The following RANBP2 variants were observed in gnomAD, a reference collection of about 807,000 sequenced individuals.
The protein encoded by RANBP2 is E3 SUMO-protein ligase RanBP2.
In RANBP2, 57 loss-of-function variants were observed where a neutral mutation model predicts 303.6. That is an observed-to-expected ratio of 0.19 (90% confidence interval 0.15 to 0.23). The LOEUF is 0.23. RANBP2 is among the 10% of genes least tolerant of loss of function. RANBP2 has a pLI of 1.00. For missense variants in RANBP2, 3,138 were observed against 3,780.8 expected, an observed-to-expected ratio of 0.83 and a Z score of 4.46; for synonymous variants, 1,167 against 1,301.5, an observed-to-expected ratio of 0.90 and a Z score of 2.23.
the RANBP2 span, among the ~76,000 whole-genome samples, chr2:109,070,962 T>C: frequency 1.3e-5 from 2 of 152,182 alleles, no homozygotes; most frequent in Non-Finnish European, 2.9e-5. Flanking sequence ...CCACCATTAT[T>C]GTGAGCTTCC....
At chr2:108,822,188 C>T in the RANBP2 span, among the ~76,000 whole-genome samples, 22 of 151,960 alleles carry the variant, frequency 1.4e-4, no homozygotes, top group African/African-American at 4.1e-4. Context: ...ATATACTTTA[C>T]GTCAAAAACT....
the RANBP2 span, among the ~76,000 whole-genome samples, chr2:108,847,691 TG>T: frequency 6.6e-6 from 1 of 152,218 alleles, no homozygotes; most frequent in Admixed American, 6.5e-5. Context: ...ACCATCTTTC[TG>T]TCTTCCCTGT....
the RANBP2 span, among the ~76,000 whole-genome samples, chr2:109,112,040 C>T: frequency 2.0e-5 from 3 of 152,022 alleles, no homozygotes; most frequent in Non-Finnish European, 2.9e-5. Flanking sequence ...CGTTGTTGGA[C>T]ATTTGGGTTG....
chr2:109,382,831 G>T, the RANBP2 span, among the ~76,000 whole-genome samples: 1 of 152,222 alleles, frequency 6.6e-6, no homozygotes, highest in Non-Finnish European at 1.5e-5. Flanking sequence ...GATTCCTAGT[G>T]CAGAGACATT....
At chr2:108,821,894 C>A in the RANBP2 span, among the ~76,000 whole-genome samples, 2 of 147,020 alleles carry the variant, frequency 1.4e-5, no homozygotes, top group Admixed American at 6.9e-5. Context: ...TGCCACTGCG[C>A]TCCAGCATGG....
the RANBP2 span, chr2:109,552,960 G>A: frequency 7.1e-5 from 75 of 1,062,854 alleles, no homozygotes; most frequent in East Asian, 6.8e-4. Flanking sequence ...ACTATGTGTT[G>A]GAAAAGCTAC....
At chr2:109,194,810 C>T in the RANBP2 span, among the ~76,000 whole-genome samples, 1 of 151,984 alleles carries the variant, frequency 6.6e-6, no homozygotes, top group Non-Finnish European at 1.5e-5. Flanking sequence ...ATTCACAGGA[C>T]GAAAAGATTG....
chr2:109,094,139 C>T, the RANBP2 span, among the ~76,000 whole-genome samples: 9 of 152,132 alleles, frequency 5.9e-5, no homozygotes, highest in Non-Finnish European at 1.2e-4. Context: ...GTTAGAGAAG[C>T]AAGCTCTTGG....
At chr2:109,362,148 G>T in the RANBP2 span, among the ~76,000 whole-genome samples, 3 of 151,918 alleles carry the variant, frequency 2.0e-5, no homozygotes, top group Non-Finnish European at 4.4e-5. Context: ...CTAAAGTGAA[G>T]ATTTAGATTA....
chr2:108,987,425 A>G, the RANBP2 span, among the ~76,000 whole-genome samples: 2 of 152,222 alleles, frequency 1.3e-5, no homozygotes, highest in Non-Finnish European at 1.5e-5. Context: ...AATGGCAGGC[A>G]CTGGGCTAGG....
the RANBP2 span, among the ~76,000 whole-genome samples, chr2:109,082,645 C>T: frequency 1.3e-5 from 2 of 152,048 alleles, no homozygotes; most frequent in African/African-American, 2.4e-5. Context: ...GTAATATATA[C>T]AAAACATAAA....
At chr2:109,066,981 C>G in the RANBP2 span, among the ~76,000 whole-genome samples, 1 of 151,772 alleles carries the variant, frequency 6.6e-6, no homozygotes, top group African/African-American at 2.4e-5. Context: ...GCACAAGACG[C>G]AGACAGAAAA....
the RANBP2 span, among the ~76,000 whole-genome samples, chr2:109,718,181 AAC>A: frequency 6.6e-6 from 1 of 152,196 alleles, no homozygotes; most frequent in African/African-American, 2.4e-5. Flanking sequence ...CAAATAATTA[AAC>A]AGAGTTACAA....
the RANBP2 span, among the ~76,000 whole-genome samples, chr2:109,477,843 A>C: frequency 3.9e-5 from 6 of 152,214 alleles, no homozygotes; most frequent in East Asian, 1.2e-3. Context: ...CCCACCTCCT[A>C]AGGCTATCAC....
the RANBP2 span, among the ~76,000 whole-genome samples, chr2:109,255,122 T>TTG: frequency 1.3e-5 from 2 of 151,986 alleles, no homozygotes; most frequent in Non-Finnish European, 2.9e-5. Context: ...AGATTAGTGT[T>TTG]TGTGTGTGTG....
the RANBP2 span, among the ~76,000 whole-genome samples, chr2:109,653,902 A>G: frequency 6.6e-6 from 1 of 152,188 alleles, no homozygotes; most frequent in Non-Finnish European, 1.5e-5. Context: ...CCAGTCCAAC[A>G]GCAAAGTCTT....
chr2:108,941,028 G>A, the RANBP2 span, among the ~76,000 whole-genome samples: 5 of 152,080 alleles, frequency 3.3e-5, no homozygotes, highest in Admixed American at 3.3e-4. Context: ...TCTGCCCCAC[G>A]CTGGGCTGTC....
At chr2:109,258,796 G>C in the RANBP2 span, among the ~76,000 whole-genome samples, 1 of 152,238 alleles carries the variant, frequency 6.6e-6, no homozygotes, top group Non-Finnish European at 1.5e-5. Context: ...AATAGGGGTA[G>C]GGTCTTGCCA....
At chr2:109,211,357 A>ATT in the RANBP2 span, among the ~76,000 whole-genome samples, 29 of 152,364 alleles carry the variant, frequency 1.9e-4, no homozygotes, top group Non-Finnish European at 4.1e-4. Context: ...GTAAACAGCA[A>ATT]TTTAATGAAA....
Sources: gnomAD v4.1 joint callset for allele counts (sites outside exome capture counted in the v4.1 genomes callset) on GRCh38, gnomAD v4.1.1 for gene constraint, MANE v1.5 for transcripts, NCBI Gene and HGNC (gene_info 2026-07-23, HGNC 2026-07-21) for gene names.